NALF1: variants seen among roughly 807,000 people sequenced by gnomAD.
NALF1 encodes the protein NALCN channel auxiliary factor 1.
A neutral mutation model predicts 48.4 loss-of-function variants in NALF1; 3 were observed. The ratio of observed to expected loss-of-function variants is 0.06; its 90% CI spans 0.03 to 0.16. The LOEUF (loss-of-function observed/expected upper bound fraction) is 0.16. Among genes scored for constraint, NALF1 ranks in the 10% least tolerant of loss-of-function variants. NALF1 has a pLI of 1.00. For missense variants in NALF1, 526 were observed against 571.5 expected, an observed-to-expected ratio of 0.92 and a Z score of 0.81; for synonymous variants, 262 against 245.7, an observed-to-expected ratio of 1.07 and a Z score of -0.62.
At chr13:107,409,176 C>A (rs1383889313) in intron 1 of NALF1, among the ~76,000 whole-genome samples, 1 of 152,104 alleles carries the variant, frequency 6.6e-6, no homozygotes, top group African/African-American at 2.4e-5. Flanking sequence ...AACCACCCAA[C>A]CACCACTGCA....
chr13:107,170,580 T>C lies in NALF1; in HGVS notation c.1294A>G (p.Thr432Ala), dbSNP rs372563759. Residue 432 changes from threonine to alanine, a missense_variant, in exon 3 of 3, where the codon ACA (threonine) becomes GCA (alanine). Thr to Ala is a moderately conservative substitution (Grantham distance 58). Coordinates refer to ENST00000375915, the MANE Select transcript of NALF1 (RefSeq NM_001080396.3). ...GCTGTGTTCTGTGCTGCCGAGGCTG[T>C]GAGCACTGTGTGTAAGAGAATCAGT... is the stretch of plus-strand genomic sequence containing the variant. ...LVLILLHTVL[T>A]ASAAQNTAGL... The C allele has an allele frequency of 7.4e-6, 12 of 1,614,064 alleles. No homozygotes were observed. The highest frequency in any genetic ancestry group is 8.5e-7 in the Non-Finnish European group (1 of 1,180,028).
chr13:107,444,440 C>A (rs143802794), intron 1 of NALF1, among the ~76,000 whole-genome samples: 2 of 152,104 alleles, frequency 1.3e-5, no homozygotes, highest in African/African-American at 4.8e-5. Context: ...CAACTATGAA[C>A]TCAGCAAACC....
chr13:107,724,936 T>C (rs925563411), intron 1 of NALF1, among the ~76,000 whole-genome samples: 3 of 152,104 alleles, frequency 2.0e-5, no homozygotes, highest in African/African-American at 7.2e-5. Context: ...TGAATATAAC[T>C]CAGAGGTTCG....
At chr13:107,829,870 T>TCA (rs987535080) in intron 1 of NALF1, among the ~76,000 whole-genome samples, 2 of 152,174 alleles carry the variant, frequency 1.3e-5, no homozygotes, top group Non-Finnish European at 2.9e-5. Context: ...TTATGCACTA[T>TCA]CATCTGTACC....
At chr13:107,170,848 G>T in intron 2 of NALF1, 62 bp from the exon 3 acceptor site, 1 of 1,481,992 alleles carries the variant, frequency 6.7e-7, no homozygotes. Context: ...ATAGTAGAGT[G>T]AAGCTGTTGC....
chr13:107,317,010 T>G (rs931182379), intron 1 of NALF1, among the ~76,000 whole-genome samples: 1 of 152,136 alleles, frequency 6.6e-6, no homozygotes, highest in East Asian at 1.9e-4. Context: ...AAATGAAAGA[T>G]CTTTTCTAGG....
chr13:107,773,188 C>G (rs761444419), intron 1 of NALF1, among the ~76,000 whole-genome samples: 4 of 152,126 alleles, frequency 2.6e-5, no homozygotes, highest in Non-Finnish European at 2.9e-5. Flanking sequence ...GTTTTTCATT[C>G]AGAGTCTGAC....
intron 1 of NALF1, among the ~76,000 whole-genome samples, chr13:107,860,530 C>T (rs189543894): frequency 2.6e-5 from 4 of 152,254 alleles, no homozygotes; most frequent in Admixed American, 2.6e-4. Context: ...TTGGGATGCC[C>T]TGGCCTTAGC....
At chr13:107,236,774 T>A (rs1229455153) in intron 1 of NALF1, among the ~76,000 whole-genome samples, 2 of 152,038 alleles carry the variant, frequency 1.3e-5, no homozygotes, top group Non-Finnish European at 2.9e-5. Context: ...GAATTCTGCA[T>A]CCATGGATTC....
In NALF1 at chr13:107,170,457, C is replaced by T. The variant is rs1355085083; in HGVS notation, c.*40G>A. The T allele has an allele frequency of 2.6e-6, 4 of 1,535,754 alleles. No homozygotes were observed. The highest frequency in any genetic ancestry group is 1.8e-5 in the Admixed American group (1 of 56,050). ...ATGAGACAGCAGTTGCCATTTTTCA[C>T]GGCGGGCCAGCTGCTGCTGTGGTGA... On this transcript the variant is annotated 3_prime_UTR_variant, in exon 3 of 3. Coordinates refer to ENST00000375915, the MANE Select transcript of NALF1 (RefSeq NM_001080396.3).
At chr13:107,449,837 T>C (rs1276416315) in intron 1 of NALF1, among the ~76,000 whole-genome samples, 1 of 152,168 alleles carries the variant, frequency 6.6e-6, no homozygotes, top group Non-Finnish European at 1.5e-5. Context: ...TCAACATCAT[T>C]CCAAATTTAC....
intron 1 of NALF1, among the ~76,000 whole-genome samples, chr13:107,546,023 T>A (rs770667697): frequency 1.3e-5 from 2 of 152,118 alleles, no homozygotes; most frequent in East Asian, 3.9e-4. Context: ...GGGCTCTGGG[T>A]CAAGCATTGG....
At chr13:107,638,145 T>TA (rs1880035172) in intron 1 of NALF1, among the ~76,000 whole-genome samples, 1 of 130,750 alleles carries the variant, frequency 7.6e-6, no homozygotes, top group African/African-American at 2.6e-5. Context: ...TGAACCTATA[T>TA]ATGAAAGCAC....
In NALF1 at chr13:107,177,978, C is replaced by T. The variant is rs547430792; in HGVS notation, c.1088-7192G>A. Among the ~76,000 whole-genome samples, 39 of 152,136 alleles carry T rather than the reference C, an allele frequency of 2.6e-4. No individual in the cohort carries two copies. The South Asian group carries it at 8.1e-3, about 32-fold the overall frequency. On this transcript the variant is annotated intron_variant, in intron 2 of 2. Coordinates refer to ENST00000375915, the MANE Select transcript of NALF1 (RefSeq NM_001080396.3). Reference sequence around the variant, plus strand: ...AGGAGAATCGCTTGAACCCAGGAGGCAGAGGTTGCAGTGAGTCGAGATTGT... The same window carrying T: ...AGGAGAATCGCTTGAACCCAGGAGGTAGAGGTTGCAGTGAGTCGAGATTGT...
At chr13:107,311,321 T>G (rs1882041007) in intron 1 of NALF1, among the ~76,000 whole-genome samples, 1 of 152,206 alleles carries the variant, frequency 6.6e-6, no homozygotes, top group Non-Finnish European at 1.5e-5. Context: ...CCATTAAAAC[T>G]GTATGTCAAT....
intron 1 of NALF1, among the ~76,000 whole-genome samples, chr13:107,361,363 C>T (rs9559023): frequency 0.28 from 41,873 of 151,962 alleles, 6,815 homozygotes; most frequent in African/African-American, 0.45. Flanking sequence ...TAACAGGTAA[C>T]TGGAAATTTG....
chr13:107,569,745 T>G (rs1877930855), intron 1 of NALF1, among the ~76,000 whole-genome samples: 2 of 152,022 alleles, frequency 1.3e-5, no homozygotes, highest in East Asian at 3.9e-4. Context: ...TCACGTACAT[T>G]TTAGAATTAA....
At chr13:107,415,314 T>C (rs1351465231) in intron 1 of NALF1, among the ~76,000 whole-genome samples, 2 of 152,130 alleles carry the variant, frequency 1.3e-5, no homozygotes, top group African/African-American at 2.4e-5. Flanking sequence ...AAAGATATAC[T>C]GGATTTTATG....
chr13:107,308,287 C>T (rs538329072), intron 1 of NALF1, among the ~76,000 whole-genome samples: 36 of 148,628 alleles, frequency 2.4e-4, no homozygotes, highest in African/African-American at 3.9e-4. Flanking sequence ...CTGCAAGCTC[C>T]GTCTCCCGGG....
Sources: allele counts gnomAD v4.1 joint callset (sites outside exome capture counted in the v4.1 genomes callset), GRCh38; gene constraint gnomAD v4.1.1; transcripts MANE v1.5; gene names NCBI Gene and HGNC (gene_info 2026-07-23, HGNC 2026-07-21).